Variants in ZFHX3 observed in about 807,000 individuals in gnomAD.
The protein encoded by ZFHX3 is zinc finger homeobox protein 3.
Under a neutral mutation model 279.1 loss-of-function variants are expected in ZFHX3, and 42 were observed. The observed-to-expected ratio is 0.15, with a 90% confidence interval of 0.12 to 0.19. The LOEUF (loss-of-function observed/expected upper bound fraction) is 0.19, where lower values mean the gene tolerates loss of function less well. Ranked by LOEUF, ZFHX3 falls within the 10% of genes least tolerant of loss-of-function variation. The probability of loss-of-function intolerance (pLI) is 1.00; values close to 1 mark genes in which losing one functional copy is unlikely to be tolerated. For synonymous variants in ZFHX3, 2,293 were observed against 1,957.8 expected (o/e 1.17, Z -4.52); for missense variants, 4,981 against 4,754.0 (o/e 1.05, Z -1.40).
chr16:73,008,836 G>C (rs1300364783), intron 1 of ZFHX3, among the ~76,000 whole-genome samples: 1 of 152,010 alleles, frequency 6.6e-6, no homozygotes, highest in East Asian at 1.9e-4. Context: ...AGGCAGGAGG[G>C]AAAAACAATA....
At chr16:73,516,241 G>A (rs572737807) in intron 2 of ZFHX3, among the ~76,000 whole-genome samples, 8 of 152,306 alleles carry the variant, frequency 5.3e-5, no homozygotes, top group East Asian at 1.9e-4. Flanking sequence ...GCTGCACAGC[G>A]GGACTTAGAG....
intron 2 of ZFHX3, among the ~76,000 whole-genome samples, chr16:73,647,105 C>T (rs540102437): frequency 2.2e-4 from 34 of 151,574 alleles, no homozygotes; most frequent in Non-Finnish European, 3.7e-4. Context: ...GTCCGACTCC[C>T]AGGTTTACGC....
intron 1 of ZFHX3, among the ~76,000 whole-genome samples, chr16:73,831,745 A>G (rs1337842149): frequency 6.6e-6 from 1 of 152,174 alleles, no homozygotes; most frequent in Non-Finnish European, 1.5e-5. Flanking sequence ...GGAAGACACA[A>G]GAAGGAACTA....
At chr16:73,336,904 C>T (rs1278894138) in intron 3 of ZFHX3, among the ~76,000 whole-genome samples, 1 of 152,222 alleles carries the variant, frequency 6.6e-6, no homozygotes, top group East Asian at 1.9e-4. Context: ...CTTCCCCAAA[C>T]CTCTACCATT....
At chr16:73,209,078 T>C (rs1385634099) in intron 5 of ZFHX3, among the ~76,000 whole-genome samples, 3 of 152,190 alleles carry the variant, frequency 2.0e-5, no homozygotes, top group Non-Finnish European at 4.4e-5. Flanking sequence ...ACTCTCTACT[T>C]TTATAGCCTC....
chr16:73,647,819 T>C (rs544178860), intron 2 of ZFHX3, among the ~76,000 whole-genome samples: 33 of 152,226 alleles, frequency 2.2e-4, no homozygotes, highest in African/African-American at 7.0e-4. Context: ...ATTATACACA[T>C]ACCTAAATGT....
intron 3 of ZFHX3, among the ~76,000 whole-genome samples, chr16:72,937,555 G>C (rs1254332946): frequency 1.2e-4 from 19 of 152,336 alleles, no homozygotes. Context: ...AGAGTGAGGG[G>C]TTGCTGGGCA....
chr16:73,517,165 G>C (rs558213570), intron 2 of ZFHX3, among the ~76,000 whole-genome samples: 1 of 152,096 alleles, frequency 6.6e-6, no homozygotes, highest in Non-Finnish European at 1.5e-5. Context: ...CCAAAGCGCC[G>C]TAGTGACTGT....
chr16:73,405,455 C>G (rs1454703505), intron 3 of ZFHX3, among the ~76,000 whole-genome samples: 1 of 152,118 alleles, frequency 6.6e-6, no homozygotes, highest in Non-Finnish European at 1.5e-5. Flanking sequence ...TAGCATGTCT[C>G]CTTATCTGTA....
rs565883330 is a variant in ZFHX3, at chr16:72,859,885, G to A, written c.3448+29846C>T. 2.6e-5 allele frequency among the ~76,000 whole-genome samples: 4 copies of A among 152,250 alleles called. No individual in the cohort carries two copies. The South Asian group carries it at 8.3e-4, about 32-fold the overall frequency. ...TACAGAAACAGGACTCCGCTCCAAG[G>A]TATCACTGATAGAAGCCCCCAGGCC... On this transcript the variant is annotated intron_variant, in intron 4 of 9. Coordinates refer to ENST00000268489, the MANE Select transcript of ZFHX3 (RefSeq NM_006885.4).
intron 7 of ZFHX3, among the ~76,000 whole-genome samples, chr16:73,112,860 C>T (rs183247684): frequency 1.3e-5 from 2 of 152,020 alleles, no homozygotes; most frequent in Non-Finnish European, 2.9e-5. Context: ...AGCTGCTGCC[C>T]CTGGGGCCTG....
At chr16:73,711,501 C>T (rs935049741) in intron 1 of ZFHX3, among the ~76,000 whole-genome samples, 1 of 152,110 alleles carries the variant, frequency 6.6e-6, no homozygotes. Flanking sequence ...ATGGAAATGG[C>T]CCGCTGCTGG....
chr16:73,855,216 C>CTTTTTTTTTT (rs1032892286), intron 1 of ZFHX3, among the ~76,000 whole-genome samples: 1 of 111,492 alleles, frequency 9.0e-6, no homozygotes, highest in Non-Finnish European at 1.8e-5. Flanking sequence ...AGGCGTTAGC[C>CTTTTTTTTTT]TTTTTTTTTT....
chr16:72,933,046 A>C (rs1456554335), intron 3 of ZFHX3, among the ~76,000 whole-genome samples: 1 of 152,078 alleles, frequency 6.6e-6, no homozygotes, highest in African/African-American at 2.4e-5. Flanking sequence ...AGACGCATGG[A>C]CATCCTATCT....
intron 2 of ZFHX3, among the ~76,000 whole-genome samples, chr16:73,617,349 A>C (rs987158699): frequency 6.6e-6 from 1 of 152,236 alleles, no homozygotes; most frequent in Non-Finnish European, 1.5e-5. Context: ...AGACCAATTC[A>C]GGATGTGAAT....
At chr16:73,746,332 C>T (rs2053703216) in intron 1 of ZFHX3, among the ~76,000 whole-genome samples, 2 of 152,116 alleles carry the variant, frequency 1.3e-5, no homozygotes, top group Non-Finnish European at 2.9e-5. Flanking sequence ...GAAAAAGAAA[C>T]TTCAGGGTTC....
intron 5 of ZFHX3, among the ~76,000 whole-genome samples, chr16:73,173,010 T>G (rs1967575484): frequency 3.4e-5 from 1 of 29,064 alleles, no homozygotes; most frequent in Non-Finnish European, 1.1e-4. Context: ...TTTTTTTTGT[T>G]TTTTTTTTTT....
In ZFHX3 at chr16:72,958,694, C is replaced by CTCT; in HGVS notation, c.1449_1451dup (p.Glu487dup). On this transcript the variant is annotated inframe_insertion, in exon 2 of 10. Transcript: ENST00000268489. ...CTTTGCAACCCTCGTCTTCCTCCTC[C>CTCT]TCTTCTTCCTCCTCCTCTTCTTCCT... 6.2e-7 allele frequency: 1 copy of CTCT among 1,611,538 alleles called. No individual in the cohort carries two copies. Among genetic ancestry groups the CTCT allele is most frequent in the Non-Finnish European group, 8.5e-7 (1 of 1,178,618 alleles).
At chr16:72,836,539 T>A (rs983075452) in intron 4 of ZFHX3, among the ~76,000 whole-genome samples, 1 of 152,128 alleles carries the variant, frequency 6.6e-6, no homozygotes, top group Non-Finnish European at 1.5e-5. Flanking sequence ...ATTGTTCTCA[T>A]CACACATCGT....
Sources: gnomAD v4.1 joint callset for allele counts (sites outside exome capture counted in the v4.1 genomes callset) on GRCh38, gnomAD v4.1.1 for gene constraint, MANE v1.5 for transcripts, NCBI Gene and HGNC (gene_info 2026-07-23, HGNC 2026-07-21) for gene names.